Variants in RAPGEF5 observed in about 807,000 individuals in gnomAD.
RAPGEF5 encodes the protein M-Ras-regulated GEF.
RAPGEF5 carries 65 observed loss-of-function variants against 125.2 expected under a neutral mutation model. The ratio of observed to expected loss-of-function variants is 0.52; its 90% CI spans 0.43 to 0.64. RAPGEF5 has a LOEUF of 0.64. RAPGEF5 is among the 30% of genes least tolerant of loss of function. The pLI is 0.00. For synonymous variants in RAPGEF5, 391 were observed against 385.9 expected (o/e 1.01, Z -0.16); for missense variants, 958 against 1,048.1 (o/e 0.91, Z 1.19).
At chr7:22,306,724 T>C (rs1354951943) in intron 5 of RAPGEF5, among the ~76,000 whole-genome samples, 2 of 152,130 alleles carry the variant, frequency 1.3e-5, no homozygotes, top group East Asian at 3.9e-4. Context: ...TTTGATTAGA[T>C]TTTTTATATG....
At chr7:22,142,306 C>G (rs60771684) in intron 20 of RAPGEF5, among the ~76,000 whole-genome samples, 3,435 of 152,208 alleles carry the variant, frequency 0.023, 110 homozygotes, top group African/African-American at 0.079. Flanking sequence ...ACACAAGAAG[C>G]CTTTTAAACA....
intron 12 of RAPGEF5, among the ~76,000 whole-genome samples, chr7:22,165,950 G>A (rs971962664): frequency 5.3e-5 from 8 of 150,912 alleles, no homozygotes; most frequent in Admixed American, 3.3e-4. Flanking sequence ...CATGTAGCTG[G>A]GACCACAGGC....
In RAPGEF5 at chr7:22,144,956, C is replaced by G. The variant is rs1171822817; in HGVS notation, c.2186+88G>C. 4 of 1,434,560 alleles carry G rather than the reference C, an allele frequency of 2.8e-6. No individual in the cohort carries two copies. The Admixed American group carries it at 9.3e-5, about 33-fold the overall frequency. 88.9% of individuals were successfully genotyped at this position (1,434,560 alleles called of 1,614,324 possible). A position where few individuals can be genotyped will look rare whatever the true frequency, so the allele number is the denominator to read the frequency against. ...CCATATTACACGTTTATATCCCAACCCTTATCATCATAAGAAAGAAAGAAA... is the reference window on the plus strand; with the variant it reads ...CCATATTACACGTTTATATCCCAACGCTTATCATCATAAGAAAGAAAGAAA... On this transcript the variant is annotated intron_variant, in intron 20 of 25. Transcript: ENST00000665637.
intron 11 of RAPGEF5, among the ~76,000 whole-genome samples, chr7:22,172,423 C>A (rs965753093): frequency 5.1e-4 from 77 of 152,050 alleles, no homozygotes; most frequent in African/African-American, 1.8e-3. Flanking sequence ...CGTGCCCGGC[C>A]TATTTTAATT....
At chr7:22,283,163 G>A (rs1782715935) in intron 6 of RAPGEF5, among the ~76,000 whole-genome samples, 1 of 151,898 alleles carries the variant, frequency 6.6e-6, no homozygotes, top group African/African-American at 2.4e-5. Context: ...AAATGATAAA[G>A]TCTTTATATT....
rs144829779 is a variant in RAPGEF5 at position 22,344,799 on chromosome 7, C to A, written c.231+12031G>T. Among the ~76,000 whole-genome samples, 350 of 152,348 alleles carry A rather than the reference C, an allele frequency of 2.3e-3. 3 individuals are homozygous for A. Among genetic ancestry groups the A allele is most frequent in the African/African-American group, 8.0e-3 (331 of 41,566 alleles). ...ACTGCCAGTTACTCTGCAGAAACCA[C>A]CAAGGGGGAGTTTCCAAAATTATTC... On this transcript the variant is annotated intron_variant, in intron 1 of 25. Transcript: ENST00000665637.
intron 21 of RAPGEF5, among the ~76,000 whole-genome samples, chr7:22,137,309 A>T (rs1225519637): frequency 6.6e-6 from 1 of 152,220 alleles, no homozygotes; most frequent in Non-Finnish European, 1.5e-5. Context: ...AAATGCTCTC[A>T]TCTTCTTAAT....
intron 11 of RAPGEF5, among the ~76,000 whole-genome samples, chr7:22,185,839 T>C (rs938281510): frequency 6.6e-6 from 1 of 152,096 alleles, no homozygotes; most frequent in African/African-American, 2.4e-5. Flanking sequence ...TATTAGCATG[T>C]ATGCAAACAA....
intron 3 of RAPGEF5, chr7:22,314,449 C>G (rs1184779919): frequency 3.7e-6 from 1 of 268,926 alleles, no homozygotes; most frequent in Non-Finnish European, 5.7e-6. Flanking sequence ...TCCCAAAAAC[C>G]CAAGCCATGA....
chr7:22,118,265 A>G lies in RAPGEF5; in HGVS notation c.*4141T>C, dbSNP rs895380834. On this transcript the variant is annotated 3_prime_UTR_variant, in exon 26 of 26. Coordinates refer to ENST00000665637, the MANE Select transcript of RAPGEF5 (RefSeq NM_012294.5). The stretch of plus-strand genomic sequence containing the variant: ...GCCAGAACAGAGCTATTTAATCCAC[A>G]CACATCACAGAGAAAGCAAGAAACT... 3.3e-5 allele frequency: 5 copies of G among 152,366 alleles called. No homozygotes were observed. The highest frequency in any genetic ancestry group is 1.2e-4 in the African/African-American group (5 of 41,420). The allele number at this position is 152,366 out of a possible 1,614,324, so 9.4% of individuals were successfully genotyped here. A position where few individuals can be genotyped will look rare whatever the true frequency, so the allele number is the denominator to read the frequency against.
At chr7:22,288,560 T>C (rs1412240827) in intron 6 of RAPGEF5, among the ~76,000 whole-genome samples, 1 of 151,600 alleles carries the variant, frequency 6.6e-6, no homozygotes, top group African/African-American at 2.4e-5. Flanking sequence ...TCTCGCTCTT[T>C]CGCCCAGGCC....
intron 8 of RAPGEF5, among the ~76,000 whole-genome samples, chr7:22,229,726 C>T (rs10499542): frequency 0.41 from 62,211 of 152,064 alleles, 13,061 homozygotes; most frequent in East Asian, 0.67. Flanking sequence ...GTTTCCACTA[C>T]GGTAGCAGAT....
At chr7:22,296,138 G>A (rs1293374508) in intron 5 of RAPGEF5, among the ~76,000 whole-genome samples, 1 of 152,018 alleles carries the variant, frequency 6.6e-6, no homozygotes, top group African/African-American at 2.4e-5. Context: ...ACTGGGTGAG[G>A]GCACATCCAA....
chr7:22,190,652 T>C lies in RAPGEF5; in HGVS notation c.1204+2715A>G, dbSNP rs528383321. ...TTTGTATGTTAACATCAATCAGTAA[T>C]CACTTCCACTTGTCCTGTGGGAGCA... On this transcript the variant is annotated intron_variant, in intron 11 of 25. Transcript: ENST00000665637. 3.3e-5 allele frequency among the ~76,000 whole-genome samples: 5 copies of C among 152,334 alleles called. No individual in the cohort carries two copies. In the East Asian group the frequency reaches 9.7e-4, roughly 29 times the overall value.
At chr7:22,167,420 T>C (rs1334357294) in intron 11 of RAPGEF5, among the ~76,000 whole-genome samples, 1 of 152,222 alleles carries the variant, frequency 6.6e-6, no homozygotes. Context: ...TTTCCTGAAA[T>C]TTCATTTATA....
chr7:22,168,321 G>A lies in RAPGEF5; in HGVS notation c.1205-1173C>T, dbSNP rs1409107795. ...ATCTCTCTACCATACAAGTATCGAG[G>A]AGACTGTGGCCTATGAACCAGGAAG... On this transcript the variant is annotated intron_variant, in intron 11 of 25. Transcript: ENST00000665637. Among the ~76,000 whole-genome samples, 3 of 152,162 alleles carry A rather than the reference G, an allele frequency of 2.0e-5. No homozygotes were observed. The East Asian group carries it at 5.8e-4, about 29-fold the overall frequency.
intron 3 of RAPGEF5, chr7:22,314,460 TA>T: frequency 3.0e-6 from 1 of 333,828 alleles, no homozygotes; most frequent in Non-Finnish European, 4.3e-6. Context: ...CAAGCCATGA[TA>T]AAATTTTTTC....
At chr7:22,272,267 C>T (rs1032500698) in intron 6 of RAPGEF5, among the ~76,000 whole-genome samples, 2 of 145,548 alleles carry the variant, frequency 1.4e-5, no homozygotes, top group Non-Finnish European at 3.0e-5. Context: ...CACTTGAACC[C>T]GGGAGGCGGA....
intron 7 of RAPGEF5, among the ~76,000 whole-genome samples, chr7:22,245,745 A>C (rs754299814): frequency 6.6e-6 from 1 of 152,164 alleles, no homozygotes; most frequent in Non-Finnish European, 1.5e-5. Flanking sequence ...ATAGTACTGG[A>C]AGCCCATGCC....
Sources: allele counts gnomAD v4.1 joint callset (sites outside exome capture counted in the v4.1 genomes callset), GRCh38; gene constraint gnomAD v4.1.1; transcripts MANE v1.5; gene names NCBI Gene and HGNC (gene_info 2026-07-23, HGNC 2026-07-21).